Variants in C7orf33 observed in about 807,000 individuals in gnomAD.
C7orf33 encodes the protein uncharacterized protein C7orf33.
Under a neutral mutation model 13.4 loss-of-function variants are expected in C7orf33, and 15 were observed. That is an observed-to-expected ratio of 1.12 (90% CI 0.75 to 1.72). The LOEUF is 1.72. C7orf33 is among the 40% of genes most tolerant of loss of function. The pLI, the probability that C7orf33 is intolerant of heterozygous loss-of-function variation, is 0.00. For synonymous variants in C7orf33, 73 were observed against 83.2 expected, an observed-to-expected ratio of 0.88 and a Z score of 0.67; for missense variants, 187 against 220.3, an observed-to-expected ratio of 0.85 and a Z score of 0.96.
chr7:148,598,759 TATATAGAGAGAG>T (rs1299989436), intron 1 of C7orf33, among the ~76,000 whole-genome samples: 118 of 32,870 alleles, frequency 3.6e-3, no homozygotes, highest in South Asian at 7.0e-3. Context: ...TATATATATA[TATATAGAGAGAG>T]AGAGAGAGAG....
intron 1 of C7orf33, among the ~76,000 whole-genome samples, chr7:148,601,096 C>A (rs1796408720): frequency 6.6e-6 from 1 of 152,010 alleles, no homozygotes; most frequent in Non-Finnish European, 1.5e-5. Flanking sequence ...GCCACCGCGC[C>A]CGGCCTTATT....
At chr7:148,609,212 A>G (rs977577421) in intron 1 of C7orf33, among the ~76,000 whole-genome samples, 4 of 152,032 alleles carry the variant, frequency 2.6e-5, no homozygotes, top group Admixed American at 6.6e-5. Flanking sequence ...AGTACTAGCT[A>G]CTAGTAAAAT....
Position 148,615,687 on chromosome 7 carries a change from A to AACC in C7orf33, c.*287_*288insCCA. 3.0e-6 allele frequency: 1 copy of AACC among 332,962 alleles called. No homozygotes were observed. The highest frequency in any genetic ancestry group is 6.1e-5 in the East Asian group (1 of 16,354). 20.6% of individuals were successfully genotyped at this position (332,962 alleles called of 1,614,324 possible). A position where few individuals can be genotyped will look rare whatever the true frequency, so the allele number is the denominator to read the frequency against. ...AGCCACCAGGTTCTAAAGGGAGACGAAGATCCCCAGAGGACCTGGATAGAG... is the reference window on the plus strand; with the variant it reads ...AGCCACCAGGTTCTAAAGGGAGACGAACCAGATCCCCAGAGGACCTGGATAGAG... On this transcript the variant is annotated 3_prime_UTR_variant, in exon 3 of 3. Coordinates refer to ENST00000307003, the MANE Select transcript of C7orf33 (RefSeq NM_145304.4).
At chr7:148,599,926 C>T (rs1210702613) in intron 1 of C7orf33, among the ~76,000 whole-genome samples, 2 of 151,728 alleles carry the variant, frequency 1.3e-5, no homozygotes, top group Non-Finnish European at 2.9e-5. Flanking sequence ...ACAGCTTACG[C>T]GTCCAAACTC....
chr7:148,605,926 A>G (rs1219944344), intron 1 of C7orf33, among the ~76,000 whole-genome samples: 1 of 152,220 alleles, frequency 6.6e-6, no homozygotes, highest in Non-Finnish European at 1.5e-5. Flanking sequence ...TACACTGGTG[A>G]ACTTAAATAG....
intron 1 of C7orf33, among the ~76,000 whole-genome samples, chr7:148,594,979 C>T (rs1796311715): frequency 1.3e-5 from 2 of 151,920 alleles, no homozygotes. Flanking sequence ...CATGCTTGGC[C>T]CTGGGAATCA....
intron 1 of C7orf33, among the ~76,000 whole-genome samples, chr7:148,595,734 T>C (rs1239501931): frequency 7.2e-6 from 1 of 139,210 alleles, no homozygotes; most frequent in Non-Finnish European, 1.5e-5. Flanking sequence ...AATATACATC[T>C]ATGTTATATA....
Position 148,615,307 on chromosome 7 carries a change from T to A in C7orf33, c.460-20T>A. On this transcript the variant is annotated intron_variant, in intron 2 of 2. Transcript: ENST00000307003. Reference sequence around the variant, plus strand: ...GTAAATCATCCTGAGATAACAGAAGTCTTCGTAATCCACATGTAGGTACGT... The same window carrying A: ...GTAAATCATCCTGAGATAACAGAAGACTTCGTAATCCACATGTAGGTACGT... The A allele has an allele frequency of 1.3e-6, 2 of 1,551,114 alleles. No homozygotes were observed. The highest frequency in any genetic ancestry group is 8.9e-7 in the Non-Finnish European group (1 of 1,123,012).
intron 1 of C7orf33, among the ~76,000 whole-genome samples, chr7:148,604,974 G>A (rs572955091): frequency 6.6e-6 from 1 of 152,342 alleles, no homozygotes; most frequent in Admixed American, 6.5e-5. Flanking sequence ...GCTCACGCCT[G>A]TACTCTCAGC....
chr7:148,598,741 TATATATATATATATATATATATAG>T (rs1281246126), intron 1 of C7orf33, among the ~76,000 whole-genome samples: 9 of 66,558 alleles, frequency 1.4e-4, no homozygotes, highest in East Asian at 8.1e-4. Context: ...TATATATATA[TATATATATATATATATATATATAG>T]AGAGAGAGAG....
chr7:148,610,858 C>T (rs1350790906), intron 1 of C7orf33, among the ~76,000 whole-genome samples: 1 of 152,154 alleles, frequency 6.6e-6, no homozygotes, highest in Non-Finnish European at 1.5e-5. Flanking sequence ...TCTGACTCAC[C>T]ACCTAGTGAC....
chr7:148,599,497 G>A lies in C7orf33; in HGVS notation c.204+8368G>A, dbSNP rs557145861. On this transcript the variant is annotated intron_variant, in intron 1 of 2. Transcript: ENST00000307003. ...TTTTTTTTTTTTTTTTTTTTGAGAC[G>A]GAGTCTTGCTCTATCGCCCAGGCTG... Among the ~76,000 whole-genome samples, 27 of 134,224 alleles carry A rather than the reference G, an allele frequency of 2.0e-4. 1 individual carries two copies. In the South Asian group the frequency reaches 2.8e-3, roughly 14 times the overall value. 88.1% of individuals were successfully genotyped at this position (134,224 alleles called of 152,430 possible). A position where few individuals can be genotyped will look rare whatever the true frequency, so the allele number is the denominator to read the frequency against.
chr7:148,608,370 C>T (rs546395848), intron 1 of C7orf33, among the ~76,000 whole-genome samples: 1 of 151,964 alleles, frequency 6.6e-6, no homozygotes, highest in African/African-American at 2.4e-5. Context: ...GCGGAGGTTG[C>T]AGTGAGCCGA....
Position 148,615,738 on chromosome 7 carries a change from T to C in C7orf33, c.*337T>C, listed in dbSNP as rs114147936. 1,055 of 234,960 alleles carry C rather than the reference T, an allele frequency of 4.5e-3. 11 individuals are homozygous for C. Among genetic ancestry groups the C allele is most frequent in the African/African-American group, 0.022 (1,014 of 45,356 alleles). The allele number at this position is 234,960 out of a possible 1,614,324, so 14.6% of individuals were successfully genotyped here. A position where few individuals can be genotyped will look rare whatever the true frequency, so the allele number is the denominator to read the frequency against. On this transcript the variant is annotated 3_prime_UTR_variant, in exon 3 of 3. Transcript: ENST00000307003. ...ATGTTTCCCTGACCATTGTCTGCTG[T>C]GTGCTCCCGATGATGAGACTCTAGA...
At chr7:148,613,943 T>A (rs1367609438) in intron 1 of C7orf33, 99 bp from the exon 2 acceptor site, 1 of 1,256,906 alleles carries the variant, frequency 8.0e-7, no homozygotes, top group Non-Finnish European at 1.1e-6. Flanking sequence ...TGACAGCTAC[T>A]TAGTAGCCTC....
rs74388049 is a variant in C7orf33, at chr7:148,611,410, G to A, written c.205-2632G>A. Reference sequence around the variant, plus strand: ...ACCAGCAGACCAGTGACAGCAGAACGATGCAGCAGAGAAGAAAAAGAGGGA... The same window carrying A: ...ACCAGCAGACCAGTGACAGCAGAACAATGCAGCAGAGAAGAAAAAGAGGGA... On this transcript the variant is annotated intron_variant, in intron 1 of 2. Coordinates refer to ENST00000307003, the MANE Select transcript of C7orf33 (RefSeq NM_145304.4). Among the ~76,000 whole-genome samples the A allele has an allele frequency of 0.026, 3,964 of 152,212 alleles. 370 individuals carry two copies. In the East Asian group the frequency reaches 0.3, roughly 12 times the overall value.
Position 148,614,063 on chromosome 7 carries a change from A to G in C7orf33, c.226A>G (p.Met76Val), listed in dbSNP as rs546618103. 2.1e-4 allele frequency: 341 copies of G among 1,614,106 alleles called. 1 individual carries two copies. In the South Asian group the frequency reaches 3.5e-3, roughly 17 times the overall value. ...CCAGAAGCCAAACCCACACCAAAAC[A>G]TGAACCGGGGGATGGAATTTATTGC... ...RHKKPNPHQN[M>V]NRGMEFIAPV... The change falls in exon 2 of 3, where the codon ATG becomes GTG. Residue 76 changes from methionine (M) to valine (V), a missense_variant. Physicochemically the swap from Met to Val is conservative, Grantham distance 21. Coordinates refer to ENST00000307003, the MANE Select transcript of C7orf33 (RefSeq NM_145304.4).
At chr7:148,598,761 TATAGAGAGAGAGAGAGAGAGAGAG>T (rs1294780863) in intron 1 of C7orf33, among the ~76,000 whole-genome samples, 6 of 27,510 alleles carry the variant, frequency 2.2e-4, no homozygotes, top group African/African-American at 1.1e-3. Context: ...TATATATATA[TATAGAGAGAGAGAGAGAGAGAGAG>T]AGAGAGAGAG....
intron 1 of C7orf33, among the ~76,000 whole-genome samples, chr7:148,597,377 G>A (rs1282061025): frequency 6.6e-6 from 1 of 152,066 alleles, no homozygotes; most frequent in Non-Finnish European, 1.5e-5. Flanking sequence ...TGCCTCCCGA[G>A]TTCAAGTAAT....
Sources: gnomAD v4.1 joint callset for allele counts (sites outside exome capture counted in the v4.1 genomes callset) on GRCh38, gnomAD v4.1.1 for gene constraint, MANE v1.5 for transcripts, NCBI Gene and HGNC (gene_info 2026-07-23, HGNC 2026-07-21) for gene names.